Variants in SLC26A2 observed in about 807,000 individuals in gnomAD.
SLC26A2 encodes solute carrier family 26 member 2.
Under a neutral mutation model 41.1 loss-of-function variants are expected in SLC26A2, and 36 were observed. That is an observed-to-expected ratio of 0.88 (90% CI 0.67 to 1.16). SLC26A2 has a LOEUF of 1.16. SLC26A2 is among the 50% of genes most tolerant of loss of function. The pLI is 0.00. For synonymous variants in SLC26A2, 291 were observed against 311.6 expected, an observed-to-expected ratio of 0.93 and a Z score of 0.70; for missense variants, 796 against 869.6, an observed-to-expected ratio of 0.92 and a Z score of 1.07.
Position 149,985,278 on chromosome 5 carries a change from C to CCT in SLC26A2, c.*3468_*3469dup, listed in dbSNP as rs1421344497. ...CTGAGTGACTGTAGTACTATCTGTGCCTCTGATGGTAATAAAACTGACAAG... is the reference window on the plus strand; with the variant it reads ...CTGAGTGACTGTAGTACTATCTGTGCCTCTCTGATGGTAATAAAACTGACAAG... On this transcript the variant is annotated 3_prime_UTR_variant, in exon 3 of 3. Coordinates refer to ENST00000286298, the MANE Select transcript of SLC26A2 (RefSeq NM_000112.4). 6.6e-6 allele frequency: 1 copy of CCT among 152,054 alleles called. No individual in the cohort carries two copies. Among genetic ancestry groups the CCT allele is most frequent in the Non-Finnish European group, 1.5e-5 (1 of 68,016 alleles). The allele number at this position is 152,054 out of a possible 1,614,324, so 9.4% of individuals were successfully genotyped here.
intron 1 of SLC26A2, among the ~76,000 whole-genome samples, chr5:149,961,419 C>T (rs528950169): frequency 3.9e-5 from 6 of 152,340 alleles, no homozygotes; most frequent in African/African-American, 1.4e-4. Context: ...AAAAATCACA[C>T]ACCCGATTAA....
rs886060224 is a variant in SLC26A2, at chr5:149,980,995, C to G, written c.1402C>G (p.Leu468Val). ...AACAGCCCTGGTTCTTTTGTTGGTC[C>G]TCCTAGTAATAGCTCCTTTGTTCTA... Reference protein sequence around the residue: ...VVTALVLLLVLLVIAPLFYSL... With the variant: ...VVTALVLLLVVLVIAPLFYSL... Residue 468 changes from leucine to valine, a missense_variant, in exon 3 of 3, where the codon CTC becomes GTC. By Grantham distance (32) the Leu-to-Val change is conservative. Transcript: ENST00000286298. The G allele has an allele frequency of 6.2e-7, 1 of 1,614,074 alleles. No homozygotes were observed. Among genetic ancestry groups the G allele is most frequent in the Non-Finnish European group, 8.5e-7 (1 of 1,179,986 alleles).
Position 149,980,747 on chromosome 5 carries a change from A to G in SLC26A2, c.1154A>G (p.Asp385Gly). The change falls in exon 3 of 3, where the codon GAT becomes GGT. Residue 385 changes from aspartate (D) to glycine (G), a missense_variant. Transcript: ENST00000286298. ...AACCTAATTCCTAGTGTGGCTGTAG[A>G]TGCAATAGCTATTTCCATCATTGGT... ...EWNLIPSVAV[D>G]AIAISIIGFA... is the part of the protein sequence containing the mutation. 6.2e-7 allele frequency: 1 copy of G among 1,613,956 alleles called. No homozygotes were observed. Among genetic ancestry groups the G allele is most frequent in the South Asian group, 1.1e-5 (1 of 91,072 alleles).
At chr5:149,967,696 C>G (rs1398854872) in intron 1 of SLC26A2, among the ~76,000 whole-genome samples, 1 of 152,106 alleles carries the variant, frequency 6.6e-6, no homozygotes, top group Non-Finnish European at 1.5e-5. Context: ...CCCCCAGTAC[C>G]CAGTAAACTC....
intron 1 of SLC26A2, among the ~76,000 whole-genome samples, chr5:149,964,016 T>C (rs758819748): frequency 6.6e-6 from 1 of 152,110 alleles, no homozygotes; most frequent in African/African-American, 2.4e-5. Context: ...CACTAGTGCA[T>C]AGGAGGAAGC....
At chr5:149,976,643 T>C (rs1754997037) in intron 1 of SLC26A2, among the ~76,000 whole-genome samples, 1 of 152,352 alleles carries the variant, frequency 6.6e-6, no homozygotes, top group East Asian at 1.9e-4. Flanking sequence ...TATTTGTTGT[T>C]GTCCTTTCTC....
Position 149,978,278 on chromosome 5 carries a change from A to G in SLC26A2, c.626A>G (p.Asp209Gly). 1 of 1,614,082 alleles carries G rather than the reference A, an allele frequency of 6.2e-7. No homozygotes were observed. Among genetic ancestry groups the G allele is most frequent in the Non-Finnish European group, 8.5e-7 (1 of 1,179,986 alleles). Residue 209 changes from aspartate to glycine, a missense_variant, in exon 2 of 3, where the codon GAC (aspartate) becomes GGC (glycine). Coordinates refer to ENST00000286298, the MANE Select transcript of SLC26A2 (RefSeq NM_000112.4). ...NGSTLLNHTS[D>G]RICDKSCYAI... The stretch of plus-strand genomic sequence containing the variant: ...AGCACATTATTAAATCATACATCAG[A>G]CAGGATATGTGACAAAAGTTGCTAT...
rs767822866 is a variant in SLC26A2 at position 149,982,647 on chromosome 5, T to C, written c.*834T>C. ...ATTTTAGCTTTCAGTTATTCTAGTT[T>C]GTTTCCCATGGAATCTGTCCTAAAC... On this transcript the variant is annotated 3_prime_UTR_variant, in exon 3 of 3. Coordinates refer to ENST00000286298, the MANE Select transcript of SLC26A2 (RefSeq NM_000112.4). The C allele has an allele frequency of 6.6e-5, 10 of 152,236 alleles. No homozygotes were observed. The highest frequency in any genetic ancestry group is 1.5e-4 in the Non-Finnish European group (10 of 68,046). 9.4% of individuals were successfully genotyped at this position (152,236 alleles called of 1,614,324 possible). A position where few individuals can be genotyped will look rare whatever the true frequency, so the allele number is the denominator to read the frequency against.
At chr5:149,976,299 CT>C (rs531372015) in intron 1 of SLC26A2, among the ~76,000 whole-genome samples, 100 of 152,310 alleles carry the variant, frequency 6.6e-4, no homozygotes, top group African/African-American at 2.3e-3. Flanking sequence ...AACAAGATGT[CT>C]TTCCTCCAGG....
At position 149,980,941 on chromosome 5, in the gene SLC26A2, G is replaced by C. The variant is rs1464513147; in HGVS notation, c.1348G>C (p.Gly450Arg). 1 of 1,614,138 alleles carries C rather than the reference G, an allele frequency of 6.2e-7. No individual in the cohort carries two copies. Among genetic ancestry groups the C allele is most frequent in the Admixed American group, 1.7e-5 (1 of 60,012 alleles). ...LAKTLVKEST[G>R]CHTQLSGVVT... ...AAAGACATTGGTTAAAGAATCAACA[G>C]GCTGCCATACTCAGCTTTCTGGTGT... is the stretch of plus-strand genomic sequence containing the variant. Residue 450 changes from glycine to arginine, a missense_variant, in exon 3 of 3, where the codon GGC becomes CGC. Transcript: ENST00000286298.
intron 2 of SLC26A2, among the ~76,000 whole-genome samples, chr5:149,979,329 C>T (rs986450434): frequency 6.6e-6 from 1 of 151,994 alleles, no homozygotes; most frequent in Admixed American, 6.6e-5. Context: ...AGTTGGTGCT[C>T]AGATGAGTGG....
intron 1 of SLC26A2, among the ~76,000 whole-genome samples, chr5:149,963,380 G>A (rs1356812853): frequency 1.3e-5 from 2 of 152,114 alleles, no homozygotes; most frequent in East Asian, 3.9e-4. Flanking sequence ...CCAGGTTCAG[G>A]TGATTCTCCT....
At chr5:149,972,315 T>G (rs1336243205) in intron 1 of SLC26A2, among the ~76,000 whole-genome samples, 2 of 152,208 alleles carry the variant, frequency 1.3e-5, no homozygotes, top group African/African-American at 4.8e-5. Flanking sequence ...GGTTCATACT[T>G]GTAGGACTGT....
rs76297937 is a variant in SLC26A2 at position 149,985,312 on chromosome 5, T to G, written c.*3499T>G. 6.6e-6 allele frequency: 1 copy of G among 151,726 alleles called. No homozygotes were observed. The highest frequency in any genetic ancestry group is 1.5e-5 in the Non-Finnish European group (1 of 67,900). 9.4% of individuals were successfully genotyped at this position (151,726 alleles called of 1,614,324 possible). On this transcript the variant is annotated 3_prime_UTR_variant, in exon 3 of 3. Transcript: ENST00000286298. ...GTAATAAAACTGACAAGATGTCTAA[T>G]TTTTTTTTAAGTAGGACCAAAGGAA...
rs757567868 is a variant in SLC26A2, at chr5:149,980,275, C to G, written c.700-18C>G. On this transcript the variant is annotated intron_variant, in intron 2 of 2. Coordinates refer to ENST00000286298, the MANE Select transcript of SLC26A2 (RefSeq NM_000112.4). Reference sequence around the variant, plus strand: ...TCTTTTCCATTTATATTTAACACTTCTATATCCTTCCTTCCAGGTAGCGAT... The same window carrying G: ...TCTTTTCCATTTATATTTAACACTTGTATATCCTTCCTTCCAGGTAGCGAT... 4 of 1,601,648 alleles carry G rather than the reference C, an allele frequency of 2.5e-6. No individual in the cohort carries two copies. Among genetic ancestry groups the G allele is most frequent in the Non-Finnish European group, 3.4e-6 (4 of 1,168,582 alleles).
chr5:149,967,823 C>T (rs1754831028), intron 1 of SLC26A2, among the ~76,000 whole-genome samples: 1 of 152,006 alleles, frequency 6.6e-6, no homozygotes, highest in African/African-American at 2.4e-5. Context: ...GATCATAGCT[C>T]ACTTCAACCT....
In SLC26A2 at chr5:149,974,938, T is replaced by G. The variant is rs527391869; in HGVS notation, c.-25-2690T>G. 6.6e-5 allele frequency among the ~76,000 whole-genome samples: 10 copies of G among 152,278 alleles called. No homozygotes were observed. The East Asian group carries it at 1.9e-3, about 29-fold the overall frequency. On this transcript the variant is annotated intron_variant, in intron 1 of 2. Coordinates refer to ENST00000286298, the MANE Select transcript of SLC26A2 (RefSeq NM_000112.4). ...CCCTGTTTCACCATGTTGGTCATGCTGGTCTTGAACTCCTGGCCTCAGGTT... is the reference window on the plus strand; with the variant it reads ...CCCTGTTTCACCATGTTGGTCATGCGGGTCTTGAACTCCTGGCCTCAGGTT...
At chr5:149,962,298 A>G (rs1016290213) in intron 1 of SLC26A2, 3 of 151,402 alleles carry the variant, frequency 2.0e-5, no homozygotes, top group Admixed American at 1.3e-4. Flanking sequence ...GCTAGGGGTA[A>G]TTTTTGAGGG....
rs150786278 is a variant in SLC26A2, at chr5:149,973,994, A to T, written c.-25-3634A>T. Among the ~76,000 whole-genome samples, 35 of 152,248 alleles carry T rather than the reference A, an allele frequency of 2.3e-4. No homozygotes were observed. In the East Asian group the frequency reaches 5.2e-3, roughly 23 times the overall value. ...AGACCTTGTCTCTACAAAAAAAATT[A>T]AAAAATGAGCCAGGCTTGGTCGTGC... On this transcript the variant is annotated intron_variant, in intron 1 of 2. Coordinates refer to ENST00000286298, the MANE Select transcript of SLC26A2 (RefSeq NM_000112.4).
Sources: gnomAD v4.1 joint callset for allele counts (sites outside exome capture counted in the v4.1 genomes callset) on GRCh38, gnomAD v4.1.1 for gene constraint, MANE v1.5 for transcripts, NCBI Gene and HGNC (gene_info 2026-07-23, HGNC 2026-07-21) for gene names.